Variants in FLVCR2 observed in about 807,000 individuals in gnomAD.
The protein encoded by FLVCR2 is FLVCR choline and putative heme transporter 2, also known as choline/ethanolamine transporter FLVCR2.
Under a neutral mutation model 48.9 loss-of-function variants are expected in FLVCR2, and 38 were observed. That is an observed-to-expected ratio of 0.78 (90% CI 0.60 to 1.02). The LOEUF (loss-of-function observed/expected upper bound fraction) is 1.02. FLVCR2 is among the 50% of genes least tolerant of loss of function. The pLI is 0.00. For missense variants in FLVCR2, 664 were observed against 663.3 expected (o/e 1.00, Z -0.01); for synonymous variants, 255 against 257.0 (o/e 0.99, Z 0.07).
chr14:75,597,306 G>A (rs1889048344), intron 1 of FLVCR2, among the ~76,000 whole-genome samples: 1 of 151,536 alleles, frequency 6.6e-6, no homozygotes, highest in Non-Finnish European at 1.5e-5. Context: ...AGAAGAAGAA[G>A]AAGAAGCCAG....
At position 75,624,642 on chromosome 14, in the gene FLVCR2, G is replaced by C; in HGVS notation, c.842G>C (p.Ser281Thr). Residue 281 changes from serine (S) to threonine (T), a missense_variant, in exon 3 of 10, where the codon AGC becomes ACC. Transcript: ENST00000238667. Reference protein sequence around the residue: ...VFKEKPKYPPSRAQSLSYALT... With the variant: ...VFKEKPKYPPTRAQSLSYALT... ...AAGGAGAAACCTAAATATCCCCCCA[G>C]CAGGGCCCAATCCCTGAGCTATGCC... is the stretch of plus-strand genomic sequence containing the variant. 3 of 1,614,028 alleles carry C rather than the reference G, an allele frequency of 1.9e-6. No individual in the cohort carries two copies. Among genetic ancestry groups the C allele is most frequent in the Non-Finnish European group, 2.5e-6 (3 of 1,180,002 alleles).
At chr14:75,629,169 G>T (rs1318667326) in intron 3 of FLVCR2, among the ~76,000 whole-genome samples, 3 of 152,170 alleles carry the variant, frequency 2.0e-5, no homozygotes, top group Non-Finnish European at 4.4e-5. Context: ...CTTAGAGGTA[G>T]GGTTGAGAGA....
intron 1 of FLVCR2, among the ~76,000 whole-genome samples, chr14:75,582,327 A>G (rs1452682827): frequency 6.6e-6 from 1 of 152,226 alleles, no homozygotes; most frequent in African/African-American, 2.4e-5. Context: ...TAGAGTCAGT[A>G]TAAATATTGA....
At chr14:75,616,487 A>G (rs546669077) in intron 1 of FLVCR2, among the ~76,000 whole-genome samples, 4 of 152,252 alleles carry the variant, frequency 2.6e-5, no homozygotes, top group African/African-American at 9.6e-5. Flanking sequence ...GGATACATAC[A>G]TATATATATT....
chr14:75,605,648 C>T (rs764392314), intron 1 of FLVCR2: 13 of 1,534,168 alleles, frequency 8.5e-6, no homozygotes, highest in Non-Finnish European at 1.1e-5. Flanking sequence ...TTACTTCCTT[C>T]CCAACTTCTT....
intron 1 of FLVCR2, among the ~76,000 whole-genome samples, chr14:75,586,962 A>ATAGAGGATTTGTTTTCAGC (rs1888767580): frequency 6.6e-6 from 1 of 152,114 alleles, no homozygotes; most frequent in Admixed American, 6.6e-5. Context: ...AGATCATAGC[A>ATAGAGGATTTGTTTTCAGC]TAGAGGATTT....
At chr14:75,641,801 CTG>C in intron 8 of FLVCR2, 40 bp from the exon 9 acceptor site, 2 of 1,543,476 alleles carry the variant, frequency 1.3e-6, no homozygotes, top group Non-Finnish European at 1.8e-6. Flanking sequence ...AACGTGATAA[CTG>C]TATTTTTGTC....
intron 1 of FLVCR2, among the ~76,000 whole-genome samples, chr14:75,584,218 C>T (rs772132538): frequency 6.6e-6 from 1 of 152,150 alleles, no homozygotes; most frequent in Non-Finnish European, 1.5e-5. Flanking sequence ...ATGCTGGAGA[C>T]GTGGTTGTGG....
intron 1 of FLVCR2, among the ~76,000 whole-genome samples, chr14:75,582,782 AG>A (rs1172489542): frequency 2.6e-5 from 4 of 152,152 alleles, no homozygotes; most frequent in African/African-American, 9.7e-5. Flanking sequence ...GGGGTCAGCT[AG>A]GTTTGCTTTT....
At chr14:75,584,075 G>T (rs1445682253) in intron 1 of FLVCR2, among the ~76,000 whole-genome samples, 1 of 152,100 alleles carries the variant, frequency 6.6e-6, no homozygotes, top group Non-Finnish European at 1.5e-5. Context: ...CAGATGGCAC[G>T]GCTTAGGAGG....
chr14:75,629,824 T>C lies in FLVCR2; in HGVS notation c.953-3805T>C, dbSNP rs188544972. Among the ~76,000 whole-genome samples, 279 of 152,392 alleles carry C rather than the reference T, an allele frequency of 1.8e-3. 2 individuals are homozygous for C. The highest frequency in any genetic ancestry group is 3.4e-3 in the Non-Finnish European group (228 of 68,044). ...CAGCAAGATTATTCATGCTTCTGAA[T>C]AAACTTGCAGTGCCTCTGGCATCTG... is the stretch of plus-strand genomic sequence containing the variant. On this transcript the variant is annotated intron_variant, in intron 3 of 9. Coordinates refer to ENST00000238667, the MANE Select transcript of FLVCR2 (RefSeq NM_017791.3).
chr14:75,578,962 A>T lies in FLVCR2; in HGVS notation c.-11A>T, dbSNP rs1428569113. 3 of 1,613,874 alleles carry T rather than the reference A, an allele frequency of 1.9e-6. No homozygotes were observed. Among genetic ancestry groups the T allele is most frequent in the Non-Finnish European group, 2.5e-6 (3 of 1,179,882 alleles). On this transcript the variant is annotated 5_prime_UTR_variant, in exon 1 of 10. Coordinates refer to ENST00000238667, the MANE Select transcript of FLVCR2 (RefSeq NM_017791.3). The stretch of plus-strand genomic sequence containing the variant: ...CACCACTTCTCCAGGATTCCAGAGG[A>T]GACTGTGGCGATGGTGAATGAAGGT...
At chr14:75,643,316 C>G (rs1241706407) in intron 9 of FLVCR2, among the ~76,000 whole-genome samples, 2 of 152,168 alleles carry the variant, frequency 1.3e-5, no homozygotes, top group Admixed American at 1.3e-4. Flanking sequence ...TGTGCATGTT[C>G]TCAAGTACCA....
intron 1 of FLVCR2, among the ~76,000 whole-genome samples, chr14:75,595,187 A>G (rs530253964): frequency 1.3e-5 from 2 of 152,384 alleles, no homozygotes; most frequent in South Asian, 4.1e-4. Context: ...AATATAATAA[A>G]GTTAGTAATG....
chr14:75,605,056 G>A (rs2140021111), intron 1 of FLVCR2, among the ~76,000 whole-genome samples: 1 of 152,238 alleles, frequency 6.6e-6, no homozygotes, highest in East Asian at 1.9e-4. Flanking sequence ...CCGGGCGGGG[G>A]GCGCCCAGGC....
chr14:75,611,041 G>A (rs536028425), intron 1 of FLVCR2, among the ~76,000 whole-genome samples: 81 of 152,264 alleles, frequency 5.3e-4, no homozygotes, highest in Non-Finnish European at 4.9e-4. Flanking sequence ...CGTGGTATGC[G>A]GGAGGGTCAC....
At chr14:75,590,160 T>A (rs1888846746) in intron 1 of FLVCR2, among the ~76,000 whole-genome samples, 1 of 152,096 alleles carries the variant, frequency 6.6e-6, no homozygotes, top group Non-Finnish European at 1.5e-5. Flanking sequence ...CCTAGGGACA[T>A]CCTAGCTTTA....
In FLVCR2 at chr14:75,648,131, GATCTGACAT is replaced by G. The variant is rs1346197880; in HGVS notation, c.*1660_*1668del. 1 of 152,620 alleles carries G rather than the reference GATCTGACAT, an allele frequency of 6.6e-6. No individual in the cohort carries two copies. The highest frequency in any genetic ancestry group is 2.4e-5 in the African/African-American group (1 of 41,448). 9.5% of individuals were successfully genotyped at this position (152,620 alleles called of 1,614,324 possible). A position where few individuals can be genotyped will look rare whatever the true frequency, so the allele number is the denominator to read the frequency against. ...CATAATTTGTGTTTTCTATTTGTAAGATCTGACATTTCGAGGCAATAAAAACTTCTCAGA... is the reference window on the plus strand; with the variant it reads ...CATAATTTGTGTTTTCTATTTGTAAGTTCGAGGCAATAAAAACTTCTCAGA... On this transcript the variant is annotated 3_prime_UTR_variant, in exon 10 of 10. Coordinates refer to ENST00000238667, the MANE Select transcript of FLVCR2 (RefSeq NM_017791.3).
intron 1 of FLVCR2, among the ~76,000 whole-genome samples, chr14:75,583,371 C>T (rs1888659962): frequency 6.6e-6 from 1 of 152,078 alleles, no homozygotes; most frequent in Non-Finnish European, 1.5e-5. Flanking sequence ...CTGTAACAAG[C>T]GAGTGATAAC....
Sources: allele counts gnomAD v4.1 joint callset (sites outside exome capture counted in the v4.1 genomes callset), GRCh38; gene constraint gnomAD v4.1.1; transcripts MANE v1.5; gene names NCBI Gene and HGNC (gene_info 2026-07-23, HGNC 2026-07-21).